The following SLC7A14 variants were observed in gnomAD, a reference collection of about 807,000 sequenced individuals.
The protein encoded by SLC7A14 is solute carrier family 7 member 14.
SLC7A14 carries 37 observed loss-of-function variants against 60.2 expected under a neutral mutation model. The ratio of observed to expected loss-of-function variants is 0.61; its 90% CI spans 0.47 to 0.81. The LOEUF is 0.81. Among genes scored for constraint, SLC7A14 ranks in the 30% least tolerant of loss-of-function variants. The probability of loss-of-function intolerance (pLI) is 0.00; values close to 1 mark genes in which losing one functional copy is unlikely to be tolerated. For synonymous variants in SLC7A14, 399 were observed against 395.8 expected, an observed-to-expected ratio of 1.01 and a Z score of -0.10; for missense variants, 886 against 982.7, an observed-to-expected ratio of 0.90 and a Z score of 1.32.
chr3:170,576,172 T>A (rs1352873658), intron 1 of SLC7A14, among the ~76,000 whole-genome samples: 1 of 152,256 alleles, frequency 6.6e-6, no homozygotes, highest in Non-Finnish European at 1.5e-5. Flanking sequence ...CCTCATAATA[T>A]GTTATAGCAT....
At chr3:170,561,131 G>A (rs1714637566) in intron 1 of SLC7A14, among the ~76,000 whole-genome samples, 1 of 151,972 alleles carries the variant, frequency 6.6e-6, no homozygotes, top group Admixed American at 6.6e-5. Flanking sequence ...TTCTAAACTG[G>A]TATGACTACT....
intron 1 of SLC7A14, among the ~76,000 whole-genome samples, chr3:170,563,975 C>T (rs972057256): frequency 6.6e-6 from 1 of 152,148 alleles, no homozygotes; most frequent in Non-Finnish European, 1.5e-5. Context: ...TAATTCCAGC[C>T]TTACTATTAT....
At chr3:170,578,756 G>A (rs1302866229) in intron 1 of SLC7A14, among the ~76,000 whole-genome samples, 2 of 152,116 alleles carry the variant, frequency 1.3e-5, no homozygotes, top group Non-Finnish European at 2.9e-5. Flanking sequence ...TCTTAAGGAG[G>A]CAAATAATGG....
In SLC7A14 at chr3:170,465,923, T is replaced by A. The variant is rs961623273; in HGVS notation, c.*1132A>T. On this transcript the variant is annotated 3_prime_UTR_variant, in exon 8 of 8. Coordinates refer to ENST00000231706, the MANE Select transcript of SLC7A14 (RefSeq NM_020949.3). ...TTTCTCTGGGCTTCAGTGAAACTAC[T>A]CTGGGAAATAACAGGAAAAAAAAAT... is the stretch of plus-strand genomic sequence containing the variant. 1 of 152,110 alleles carries A rather than the reference T, an allele frequency of 6.6e-6. No homozygotes were observed. The highest frequency in any genetic ancestry group is 1.5e-5 in the Non-Finnish European group (1 of 68,030). The allele number at this position is 152,110 out of a possible 1,614,324, so 9.4% of individuals were successfully genotyped here.
At chr3:170,490,368 A>T (rs570421949) in intron 4 of SLC7A14, among the ~76,000 whole-genome samples, 1 of 152,226 alleles carries the variant, frequency 6.6e-6, no homozygotes, top group African/African-American at 2.4e-5. Flanking sequence ...ACAGATAAAC[A>T]CACATACATA....
In SLC7A14 at chr3:170,535,830, G is replaced by A. The variant is rs901422831; in HGVS notation, c.-152-8742C>T. ...GGTAGTACTCATGTTTCTAGCCCTT[G>A]GAACTGCATTTTGCCTCATGATTTC... On this transcript the variant is annotated intron_variant, in intron 1 of 7. Transcript: ENST00000231706. The surrounding 1 kb of genome is among the most constrained non-coding windows in gnomAD (Gnocchi z 4.3). 6.6e-6 allele frequency among the ~76,000 whole-genome samples: 1 copy of A among 152,164 alleles called. No homozygotes were observed. Among genetic ancestry groups the A allele is most frequent in the Non-Finnish European group, 1.5e-5 (1 of 68,040 alleles).
At chr3:170,498,588 T>A in intron 4 of SLC7A14, 79 bp downstream of exon 4, 1 of 1,334,292 alleles carries the variant, frequency 7.5e-7, no homozygotes, top group Non-Finnish European at 1.1e-6. Context: ...AGCATTTTCT[T>A]GAAAATATGT....
chr3:170,577,805 T>C (rs1033931948), intron 1 of SLC7A14, among the ~76,000 whole-genome samples: 1 of 152,180 alleles, frequency 6.6e-6, no homozygotes, highest in African/African-American at 2.4e-5. Flanking sequence ...AGATATACCA[T>C]ATTAAGAGCT....
chr3:170,575,008 G>C (rs905133838), intron 1 of SLC7A14, among the ~76,000 whole-genome samples: 1 of 152,186 alleles, frequency 6.6e-6, no homozygotes, highest in Non-Finnish European at 1.5e-5. Flanking sequence ...AAAGTGGTTA[G>C]AGAGAAAGGG....
chr3:170,578,127 G>A (rs1371352587), intron 1 of SLC7A14, among the ~76,000 whole-genome samples: 2 of 152,240 alleles, frequency 1.3e-5, no homozygotes, highest in African/African-American at 4.8e-5. Context: ...AGCATTAGAA[G>A]GTGCTGGATT....
At chr3:170,514,092 C>T (rs558633723) in intron 2 of SLC7A14, among the ~76,000 whole-genome samples, 1 of 152,372 alleles carries the variant, frequency 6.6e-6, no homozygotes, top group Non-Finnish European at 1.5e-5. Flanking sequence ...ATCTCACCTC[C>T]TTGCCAGGGC....
rs1577512288 is a variant in SLC7A14, at chr3:170,495,707, C to G, written c.759+2960G>C. ...ATCCCAATATCCAGGCCATGCACAC[C>G]CAGGAGAAGGAGCAGATCAAGACCC... On this transcript the variant is annotated intron_variant, in intron 4 of 7. Coordinates refer to ENST00000231706, the MANE Select transcript of SLC7A14 (RefSeq NM_020949.3). 2.1e-5 allele frequency: 23 copies of G among 1,085,854 alleles called. No homozygotes were observed. In the East Asian group the frequency reaches 4.7e-4, roughly 22 times the overall value. The allele number at this position is 1,085,854 out of a possible 1,614,324, so 67.3% of individuals were successfully genotyped here.
intron 7 of SLC7A14, among the ~76,000 whole-genome samples, chr3:170,472,928 T>C (rs985624814): frequency 6.6e-6 from 1 of 152,198 alleles, no homozygotes; most frequent in South Asian, 2.1e-4. Context: ...GAATGGGCTT[T>C]CTTTATGATA....
At chr3:170,508,393 A>G (rs1026715114) in intron 2 of SLC7A14, among the ~76,000 whole-genome samples, 2 of 152,212 alleles carry the variant, frequency 1.3e-5, no homozygotes. Context: ...GGCTGCCTTG[A>G]GTGGGCCATA....
intron 1 of SLC7A14, among the ~76,000 whole-genome samples, chr3:170,541,440 G>GA (rs201794753): frequency 0.011 from 1,648 of 150,708 alleles, 18 homozygotes; most frequent in Non-Finnish European, 0.013. Context: ...TCTATCAAAA[G>GA]AAAAAAAAAT....
chr3:170,537,596 G>T (rs1577545953), intron 1 of SLC7A14, among the ~76,000 whole-genome samples: 1 of 152,076 alleles, frequency 6.6e-6, no homozygotes, highest in East Asian at 1.9e-4. Context: ...AAAACACTCG[G>T]CTGAGCATTT....
chr3:170,576,861 A>G (rs772483642), intron 1 of SLC7A14, among the ~76,000 whole-genome samples: 1 of 152,126 alleles, frequency 6.6e-6, no homozygotes, highest in Non-Finnish European at 1.5e-5. Flanking sequence ...AATATAAAAT[A>G]CCCCTTATTG....
At position 170,480,522 on chromosome 3, in the gene SLC7A14, G is replaced by A; in HGVS notation, c.1760C>T (p.Ser587Phe). The change falls in exon 7 of 8, where the codon TCT becomes TTT. Residue 587 changes from serine (S) to phenylalanine (F), a missense_variant. Physicochemically the swap from Ser to Phe is radical, Grantham distance 155. Coordinates refer to ENST00000231706, the MANE Select transcript of SLC7A14 (RefSeq NM_020949.3). ...FIFCSFIIFG[S>F]DYISEQSWWA... ...CCAGCTCTGCTCTGAGATGTAGTCA[G>A]AACCAAAGATGATGAAGGAGCAGAA... The A allele has an allele frequency of 1.2e-6, 2 of 1,614,224 alleles. No homozygotes were observed. Among genetic ancestry groups the A allele is most frequent in the Non-Finnish European group, 1.7e-6 (2 of 1,180,046 alleles).
intron 1 of SLC7A14, among the ~76,000 whole-genome samples, chr3:170,581,478 TAAAC>T (rs1302641931): frequency 5.3e-5 from 8 of 152,062 alleles, no homozygotes; most frequent in Non-Finnish European, 1.2e-4. Context: ...CAGGACCAAA[TAAAC>T]TAAACAACAA....
Sources: gnomAD v4.1 joint callset for allele counts (sites outside exome capture counted in the v4.1 genomes callset) on GRCh38, gnomAD v4.1.1 for gene constraint, Gnocchi (gnomAD v3.1) non-coding constraint, MANE v1.5 for transcripts, NCBI Gene and HGNC (gene_info 2026-07-23, HGNC 2026-07-21) for gene names.